Variants in CDC73 observed in about 807,000 individuals in gnomAD.
CDC73 encodes parafibromin.
Under a neutral mutation model 83.7 loss-of-function variants are expected in CDC73, and 21 were observed. The ratio of observed to expected loss-of-function variants is 0.25; its 90% CI spans 0.18 to 0.36. CDC73 has a LOEUF of 0.36. Among genes scored for constraint, CDC73 ranks in the 10% least tolerant of loss-of-function variants. The pLI, the probability that CDC73 is intolerant of heterozygous loss-of-function variation, is 1.00. For missense variants in CDC73, 342 were observed against 653.3 expected, an observed-to-expected ratio of 0.52 and a Z score of 5.19; for synonymous variants, 224 against 212.9, an observed-to-expected ratio of 1.05 and a Z score of -0.45.
intron 15 of CDC73, among the ~76,000 whole-genome samples, chr1:193,238,781 A>C (rs542347458): frequency 6.6e-6 from 1 of 152,222 alleles, no homozygotes; most frequent in Non-Finnish European, 1.5e-5. Flanking sequence ...AATCGTAAGA[A>C]AGAGAAAATA....
At chr1:193,148,040 C>T (rs1283680872) in intron 8 of CDC73, 75 bp downstream of exon 8, 1 of 947,124 alleles carries the variant, frequency 1.1e-6, no homozygotes. Context: ...ACGTTGAAGA[C>T]ATCTTCACAT....
chr1:193,132,423 A>G (rs558796779), intron 3 of CDC73, among the ~76,000 whole-genome samples: 1 of 152,332 alleles, frequency 6.6e-6, no homozygotes, highest in South Asian at 2.1e-4. Flanking sequence ...ACCCAGCAGT[A>G]TTAAAGAGGG....
At chr1:193,197,754 C>T (rs544890010) in intron 10 of CDC73, among the ~76,000 whole-genome samples, 2 of 151,758 alleles carry the variant, frequency 1.3e-5, no homozygotes, top group African/African-American at 4.8e-5. Context: ...GGTGAAACCC[C>T]GTCTCTACTA....
intron 10 of CDC73, among the ~76,000 whole-genome samples, chr1:193,164,149 T>G (rs1355416450): frequency 6.6e-6 from 1 of 152,210 alleles, no homozygotes; most frequent in Non-Finnish European, 1.5e-5. Context: ...ATTAGAAACC[T>G]CTTGTAGATC....
In CDC73 at chr1:193,128,476, T is replaced by A. The variant is rs149011729; in HGVS notation, c.238-1698T>A. Among the ~76,000 whole-genome samples, 1,432 of 151,966 alleles carry A rather than the reference T, an allele frequency of 9.4e-3. 22 individuals carry two copies. Among genetic ancestry groups the A allele is most frequent in the African/African-American group, 0.033 (1,380 of 41,420 alleles). ...GCTTGCCACCATGCCTGGCTAACTT[T>A]TATATTTTTGTAGAGTTGGAGTTTT... On this transcript the variant is annotated intron_variant, in intron 2 of 16. Transcript: ENST00000367435.
At chr1:193,165,508 ATTC>A (rs1484392425) in intron 10 of CDC73, among the ~76,000 whole-genome samples, 2 of 152,234 alleles carry the variant, frequency 1.3e-5, no homozygotes, top group Non-Finnish European at 2.9e-5. Context: ...ACATTAAAAA[ATTC>A]TGCTGTGACA....
intron 15 of CDC73, among the ~76,000 whole-genome samples, chr1:193,237,285 T>G (rs1399389698): frequency 6.6e-6 from 1 of 152,096 alleles, no homozygotes; most frequent in Non-Finnish European, 1.5e-5. Context: ...TACCCAAGCT[T>G]GAAAGTTTTA....
intron 10 of CDC73, among the ~76,000 whole-genome samples, chr1:193,175,180 T>A (rs1232560302): frequency 2.0e-5 from 3 of 152,186 alleles, no homozygotes; most frequent in African/African-American, 4.8e-5. Context: ...AGCAGTGGGA[T>A]GGCATGCCTA....
At chr1:193,167,069 A>T (rs1357757598) in intron 10 of CDC73, among the ~76,000 whole-genome samples, 1 of 152,164 alleles carries the variant, frequency 6.6e-6, no homozygotes, top group Non-Finnish European at 1.5e-5. Flanking sequence ...AAATTCATTA[A>T]CTATGTAATT....
intron 7 of CDC73, among the ~76,000 whole-genome samples, chr1:193,144,766 A>G (rs1011621139): frequency 9.9e-5 from 15 of 151,928 alleles, no homozygotes; most frequent in African/African-American, 3.4e-4. Flanking sequence ...AACTGAATCA[A>G]CATTTTTTTA....
chr1:193,123,648 C>T (rs770944888), intron 1 of CDC73, among the ~76,000 whole-genome samples: 3 of 151,446 alleles, frequency 2.0e-5, no homozygotes, highest in Non-Finnish European at 4.4e-5. Context: ...GGTAGAATTA[C>T]ATGTGGTTGG....
intron 15 of CDC73, among the ~76,000 whole-genome samples, chr1:193,239,458 C>T (rs1053538563): frequency 6.6e-6 from 1 of 151,914 alleles, no homozygotes; most frequent in Non-Finnish European, 1.5e-5. Context: ...TGAAATACAT[C>T]GTTTGAGAGA....
intron 5 of CDC73, among the ~76,000 whole-genome samples, chr1:193,135,812 TA>T (rs1413770061): frequency 2.0e-5 from 3 of 151,942 alleles, no homozygotes; most frequent in Non-Finnish European, 4.4e-5. Flanking sequence ...TTTGCTTTTA[TA>T]TTCTTATGGA....
At chr1:193,146,923 A>C (rs4657744) in intron 7 of CDC73, among the ~76,000 whole-genome samples, 7 of 151,984 alleles carry the variant, frequency 4.6e-5, no homozygotes, top group Non-Finnish European at 1.0e-4. Flanking sequence ...GGAGTTTAAC[A>C]GGAGGATGTA....
At chr1:193,219,763 A>G (rs78091787) in intron 13 of CDC73, among the ~76,000 whole-genome samples, 3,021 of 152,266 alleles carry the variant, frequency 0.02, 97 homozygotes, top group African/African-American at 0.068. Flanking sequence ...GAGAGGATCA[A>G]AAATACCTGT....
intron 7 of CDC73, among the ~76,000 whole-genome samples, chr1:193,145,205 G>A (rs1038493897): frequency 1.3e-5 from 2 of 152,164 alleles, no homozygotes; most frequent in African/African-American, 4.8e-5. Context: ...GAGACTGATG[G>A]ATTTTAAAGT....
intron 13 of CDC73, among the ~76,000 whole-genome samples, chr1:193,231,022 C>T (rs545685684): frequency 3.3e-5 from 5 of 152,232 alleles, no homozygotes; most frequent in African/African-American, 1.2e-4. Flanking sequence ...GTTAATGTTT[C>T]TGAGCTTTTA....
At chr1:193,162,147 ATAT>A (rs1247906783) in intron 10 of CDC73, among the ~76,000 whole-genome samples, 8 of 36,286 alleles carry the variant, frequency 2.2e-4, no homozygotes, top group Non-Finnish European at 3.6e-4. Flanking sequence ...TATATATTAT[ATAT>A]TATCTATTAT....
intron 10 of CDC73, among the ~76,000 whole-genome samples, chr1:193,165,538 A>G (rs535518564): frequency 3.2e-4 from 48 of 152,336 alleles, no homozygotes; most frequent in Middle Eastern, 6.8e-3. Context: ...AAAGACGTGA[A>G]GATACATACA....
Sources: gnomAD v4.1 joint callset for allele counts (sites outside exome capture counted in the v4.1 genomes callset) on GRCh38, gnomAD v4.1.1 for gene constraint, MANE v1.5 for transcripts, NCBI Gene and HGNC (gene_info 2026-07-23, HGNC 2026-07-21) for gene names.